The following FAM43B variants were observed in gnomAD, a reference collection of about 807,000 sequenced individuals.
FAM43B encodes the protein family with sequence similarity 43 member B.
FAM43B carries 17 observed loss-of-function variants against 20.1 expected under a neutral mutation model. That is an observed-to-expected ratio of 0.84 (90% CI 0.58 to 1.27). The LOEUF is 1.27. Ranked by LOEUF, FAM43B falls within the 50% of genes most tolerant of loss-of-function variation. The probability of loss-of-function intolerance (pLI) is 0.00; values close to 1 mark genes in which losing one functional copy is unlikely to be tolerated. For synonymous variants in FAM43B, 208 were observed against 238.5 expected (o/e 0.87, Z 1.18); for missense variants, 512 against 516.7 (o/e 0.99, Z 0.09).
In FAM43B at chr1:20,553,365, G is replaced by A. The variant is rs761662136; in HGVS notation, c.392G>A (p.Gly131Asp). ...MQPCERSAAG[G>D]SGGRRPAHAY... Reference sequence around the variant, plus strand: ...CCGTGCGAGCGCAGCGCCGCCGGGGGTTCGGGGGGCCGCAGGCCGGCGCAC... The same window carrying A: ...CCGTGCGAGCGCAGCGCCGCCGGGGATTCGGGGGGCCGCAGGCCGGCGCAC... Residue 131 changes from glycine (G) to aspartate (D), a missense_variant, in exon 1 of 1, where the codon GGT (glycine) becomes GAT (aspartate). Coordinates refer to ENST00000332947, the MANE Select transcript of FAM43B (RefSeq NM_207334.3). The surrounding 1 kb of genome is among the most constrained non-coding windows in gnomAD (Gnocchi z 6.5). 9.5e-5 allele frequency: 141 copies of A among 1,483,542 alleles called. 2 individuals carry two copies. The South Asian group carries it at 1.8e-3, about 19-fold the overall frequency. The allele number at this position is 1,483,542 out of a possible 1,614,324, so 91.9% of individuals were successfully genotyped here. A position where few individuals can be genotyped will look rare whatever the true frequency, so the allele number is the denominator to read the frequency against.
At position 20,554,848 on chromosome 1, in the gene FAM43B, G is replaced by A. The variant is rs762936888; in HGVS notation, c.*885G>A. The A allele has an allele frequency of 1.2e-5, 2 of 167,298 alleles. No homozygotes were observed. The highest frequency in any genetic ancestry group is 2.4e-5 in the African/African-American group (1 of 41,478). The allele number at this position is 167,298 out of a possible 1,614,324, so 10.4% of individuals were successfully genotyped here. On this transcript the variant is annotated 3_prime_UTR_variant, in exon 1 of 1. Coordinates refer to ENST00000332947, the MANE Select transcript of FAM43B (RefSeq NM_207334.3). ...CAAGTCGAGGCTCCTCAGAGCAGGTGGGTCCTGACAGCAGTGGATTCTCCC... is the reference window on the plus strand; with the variant it reads ...CAAGTCGAGGCTCCTCAGAGCAGGTAGGTCCTGACAGCAGTGGATTCTCCC...
chr1:20,552,951 C>CA lies in FAM43B; in HGVS notation c.-22dup, dbSNP rs745708194. On this transcript the variant is annotated 5_prime_UTR_variant, in exon 1 of 1. Coordinates refer to ENST00000332947, the MANE Select transcript of FAM43B (RefSeq NM_207334.3). ...GACGCCGGTGAGCTCCCTGCGCCCC[C>CA]AGCCCCTTTCGCCGCCGCCGCGATG... is the stretch of plus-strand genomic sequence containing the variant. The CA allele has an allele frequency of 1.5e-5, 24 of 1,611,042 alleles. No homozygotes were observed. The African/African-American group carries it at 3.2e-4, about 22-fold the overall frequency.
In FAM43B at chr1:20,553,662, C is replaced by T. The variant is rs759674591; in HGVS notation, c.689C>T (p.Ser230Leu). Residue 230 changes from serine (S) to leucine (L), a missense_variant, in exon 1 of 1, where the codon TCG (serine) becomes TTG (leucine). Coordinates refer to ENST00000332947, the MANE Select transcript of FAM43B (RefSeq NM_207334.3). The surrounding 1 kb of genome is among the most constrained non-coding windows in gnomAD (Gnocchi z 6.5). ...QHLRAGGAAA[S>L]VPRAPLRRLL... The stretch of plus-strand genomic sequence containing the variant: ...CTCCGCGCTGGGGGCGCCGCCGCCT[C>T]GGTGCCCCGCGCCCCACTGCGCCGC... 1.1e-5 allele frequency: 14 copies of T among 1,305,622 alleles called. 1 individual carries two copies. In the South Asian group the frequency reaches 2.9e-4, roughly 27 times the overall value. 80.9% of individuals were successfully genotyped at this position (1,305,622 alleles called of 1,614,324 possible).
Position 20,552,770 on chromosome 1 carries a change from C to T in FAM43B, c.-204C>T. The T allele has an allele frequency of 4.6e-6, 3 of 649,170 alleles. No individual in the cohort carries two copies. Among genetic ancestry groups the T allele is most frequent in the Admixed American group, 6.0e-5 (2 of 33,466 alleles). The allele number at this position is 649,170 out of a possible 1,614,324, so 40.2% of individuals were successfully genotyped here. On this transcript the variant is annotated 5_prime_UTR_variant, in exon 1 of 1. Coordinates refer to ENST00000332947, the MANE Select transcript of FAM43B (RefSeq NM_207334.3). ...AGCCACTCGGCCGCCGTCCGCACCT[C>T]GGCTGCTGGCCCGGCTGGGCACCGG...
Position 20,552,861 on chromosome 1 carries a change from C to T in FAM43B, c.-113C>T. 7.5e-7 allele frequency: 1 copy of T among 1,326,054 alleles called. No homozygotes were observed. The allele number at this position is 1,326,054 out of a possible 1,614,324, so 82.1% of individuals were successfully genotyped here. Reference sequence around the variant, plus strand: ...AGGCAACGACTGTCCCCGGCCCTGCCCAGCTTCTCGCGACTCCAGGGCGGT... The same window carrying T: ...AGGCAACGACTGTCCCCGGCCCTGCTCAGCTTCTCGCGACTCCAGGGCGGT... On this transcript the variant is annotated 5_prime_UTR_variant, in exon 1 of 1. Coordinates refer to ENST00000332947, the MANE Select transcript of FAM43B (RefSeq NM_207334.3).
chr1:20,554,792 A>G lies in FAM43B; in HGVS notation c.*829A>G, dbSNP rs375619545. ...TTGGCAGGTGCTTAGGACACTGACT[A>G]CCTAGAAAGTAGACGCAGCAGAGTT... On this transcript the variant is annotated 3_prime_UTR_variant, in exon 1 of 1. Transcript: ENST00000332947. 1.2e-5 allele frequency: 2 copies of G among 167,120 alleles called. No homozygotes were observed. The highest frequency in any genetic ancestry group is 6.5e-5 in the Admixed American group (1 of 15,288). The allele number at this position is 167,120 out of a possible 1,614,324, so 10.4% of individuals were successfully genotyped here.
Position 20,553,368 on chromosome 1 carries a change from C to CG in FAM43B, c.401dup (p.Arg135ProfsTer251), listed in dbSNP as rs1264517083. On this transcript the variant is annotated frameshift_variant, in exon 1 of 1. Coordinates refer to ENST00000332947, the MANE Select transcript of FAM43B (RefSeq NM_207334.3). LOFTEE classifies it high-confidence loss of function. This position sits in a 1 kb window ranked among gnomAD's most constrained non-coding sequence, Gnocchi z 6.5. The stretch of plus-strand genomic sequence containing the variant: ...TGCGAGCGCAGCGCCGCCGGGGGTT[C>CG]GGGGGGCCGCAGGCCGGCGCACGCC... 1.0e-5 allele frequency: 15 copies of CG among 1,480,212 alleles called. No homozygotes were observed. Among genetic ancestry groups the CG allele is most frequent in the Non-Finnish European group, 1.2e-5 (14 of 1,123,832 alleles). 91.7% of individuals were successfully genotyped at this position (1,480,212 alleles called of 1,614,324 possible). A position where few individuals can be genotyped will look rare whatever the true frequency, so the allele number is the denominator to read the frequency against.
Position 20,553,073 on chromosome 1 carries a change from T to A in FAM43B, c.100T>A (p.Ser34Thr). The change falls in exon 1 of 1, where the codon TCC becomes ACC. Residue 34 changes from serine to threonine, a missense_variant. Coordinates refer to ENST00000332947, the MANE Select transcript of FAM43B (RefSeq NM_207334.3). This position sits in a 1 kb window ranked among gnomAD's most constrained non-coding sequence, Gnocchi z 6.5. Reference protein sequence around the residue: ...SPGLAYTSLLSSFLRSCPDLL... With the variant: ...SPGLAYTSLLTSFLRSCPDLL... The stretch of plus-strand genomic sequence containing the variant: ...GGGGCTCGCCTACACGTCGCTGCTC[T>A]CCAGCTTCCTGCGCTCCTGCCCGGA... 6.2e-7 allele frequency: 1 copy of A among 1,613,430 alleles called. No individual in the cohort carries two copies. Among genetic ancestry groups the A allele is most frequent in the Non-Finnish European group, 8.5e-7 (1 of 1,179,862 alleles).
Position 20,554,246 on chromosome 1 carries a change from A to C in FAM43B, c.*283A>C. 4.0e-6 allele frequency: 1 copy of C among 249,056 alleles called. No homozygotes were observed. The highest frequency in any genetic ancestry group is 8.2e-6 in the Non-Finnish European group (1 of 122,694). The allele number at this position is 249,056 out of a possible 1,614,324, so 15.4% of individuals were successfully genotyped here. A position where few individuals can be genotyped will look rare whatever the true frequency, so the allele number is the denominator to read the frequency against. On this transcript the variant is annotated 3_prime_UTR_variant, in exon 1 of 1. Coordinates refer to ENST00000332947, the MANE Select transcript of FAM43B (RefSeq NM_207334.3). Reference sequence around the variant, plus strand: ...AGTCTCTTTGCCCACAGACCTCCTCATTCCCTCCCAAAACATCCTCTCAAG... The same window carrying C: ...AGTCTCTTTGCCCACAGACCTCCTCCTTCCCTCCCAAAACATCCTCTCAAG...
At position 20,553,698 on chromosome 1, in the gene FAM43B, C is replaced by A; in HGVS notation, c.725C>A (p.Ala242Asp). 6.9e-7 allele frequency: 1 copy of A among 1,440,592 alleles called. No homozygotes were observed. Among genetic ancestry groups the A allele is most frequent in the South Asian group, 1.3e-5 (1 of 75,808 alleles). 89.2% of individuals were successfully genotyped at this position (1,440,592 alleles called of 1,614,324 possible). A position where few individuals can be genotyped will look rare whatever the true frequency, so the allele number is the denominator to read the frequency against. ...PRAPLRRLLNAKCAYRPPPSE... is the reference protein window; with the variant it reads ...PRAPLRRLLNDKCAYRPPPSE... ...GCCCCACTGCGCCGCCTGCTCAATGCCAAGTGCGCCTACCGGCCGCCGCCG... is the reference window on the plus strand; with the variant it reads ...GCCCCACTGCGCCGCCTGCTCAATGACAAGTGCGCCTACCGGCCGCCGCCG... Residue 242 changes from alanine to aspartate, a missense_variant, in exon 1 of 1, where the codon GCC (alanine) becomes GAC (aspartate). Physicochemically the swap from Ala to Asp is moderately radical, Grantham distance 126. Coordinates refer to ENST00000332947, the MANE Select transcript of FAM43B (RefSeq NM_207334.3). This position sits in a 1 kb window ranked among gnomAD's most constrained non-coding sequence, Gnocchi z 6.5.
rs2052162799 is a variant in FAM43B, at chr1:20,553,943, C to T, written c.970C>T (p.Arg324Trp). ...CCGCTGGAAGGCCGGCCCCAGGGAG[C>T]GGGCGGGCCAGGCGCGCTGAGAGCC... is the stretch of plus-strand genomic sequence containing the variant. ...PRRWKAGPRE[R>W]AGQAR Residue 324 changes from arginine to tryptophan, a missense_variant, in exon 1 of 1, where the codon CGG (arginine) becomes TGG (tryptophan). Physicochemically the swap from Arg to Trp is moderately radical, Grantham distance 101 (BLOSUM62 -3). Transcript: ENST00000332947. The surrounding 1 kb of genome is among the most constrained non-coding windows in gnomAD (Gnocchi z 6.5). 5.7e-6 allele frequency: 7 copies of T among 1,232,562 alleles called. No homozygotes were observed. The highest frequency in any genetic ancestry group is 8.8e-5 in the Admixed American group (2 of 22,726). The allele number at this position is 1,232,562 out of a possible 1,614,324, so 76.4% of individuals were successfully genotyped here.
Position 20,553,072 on chromosome 1 carries a change from C to G in FAM43B, c.99C>G (p.Leu33=). Residue 33 remains leucine (L), a synonymous_variant, in exon 1 of 1, where the codon CTC becomes CTG. Coordinates refer to ENST00000332947, the MANE Select transcript of FAM43B (RefSeq NM_207334.3). This position sits in a 1 kb window ranked among gnomAD's most constrained non-coding sequence, Gnocchi z 6.5. ...CGGGGCTCGCCTACACGTCGCTGCT[C>G]TCCAGCTTCCTGCGCTCCTGCCCGG... The part of the protein sequence containing the change: ...LSPGLAYTSL[L]SSFLRSCPDL... 6.2e-7 allele frequency: 1 copy of G among 1,613,440 alleles called. No homozygotes were observed. Among genetic ancestry groups the G allele is most frequent in the South Asian group, 1.1e-5 (1 of 91,068 alleles).
In FAM43B at chr1:20,554,124, C is replaced by A. The variant is rs1557531731; in HGVS notation, c.*161C>A. The A allele has an allele frequency of 2.5e-6, 2 of 808,996 alleles. No individual in the cohort carries two copies. Among genetic ancestry groups the A allele is most frequent in the East Asian group, 4.5e-5 (1 of 22,416 alleles). 50.1% of individuals were successfully genotyped at this position (808,996 alleles called of 1,614,324 possible). A position where few individuals can be genotyped will look rare whatever the true frequency, so the allele number is the denominator to read the frequency against. Reference sequence around the variant, plus strand: ...GCCTCATTTTGGCTCAGGGTGATGCCTGATACGCCCTTGGTTATTGGGGGG... The same window carrying A: ...GCCTCATTTTGGCTCAGGGTGATGCATGATACGCCCTTGGTTATTGGGGGG... On this transcript the variant is annotated 3_prime_UTR_variant, in exon 1 of 1. Coordinates refer to ENST00000332947, the MANE Select transcript of FAM43B (RefSeq NM_207334.3).
rs984807047 is a variant in FAM43B, at chr1:20,554,142, T to C, written c.*179T>C. 2 of 661,958 alleles carry C rather than the reference T, an allele frequency of 3.0e-6. No homozygotes were observed. Among genetic ancestry groups the C allele is most frequent in the Non-Finnish European group, 4.2e-6 (2 of 476,238 alleles). The allele number at this position is 661,958 out of a possible 1,614,324, so 41.0% of individuals were successfully genotyped here. On this transcript the variant is annotated 3_prime_UTR_variant, in exon 1 of 1. Transcript: ENST00000332947. Reference sequence around the variant, plus strand: ...GTGATGCCTGATACGCCCTTGGTTATTGGGGGGTGTTCCTCTCTCCCCACA... The same window carrying C: ...GTGATGCCTGATACGCCCTTGGTTACTGGGGGGTGTTCCTCTCTCCCCACA...
rs2052161922 is a variant in FAM43B, at chr1:20,553,893, C to A, written c.920C>A (p.Ala307Glu). ...LRTCSLRGAP[A>E]PPPPAQPRRW... ...ACGTGCAGCCTGCGGGGCGCCCCGG[C>A]GCCCCCGCCGCCCGCGCAGCCCCGC... Residue 307 changes from alanine to glutamate, a missense_variant, in exon 1 of 1, where the codon GCG (alanine) becomes GAG (glutamate). Physicochemically the swap from Ala to Glu is moderately radical, Grantham distance 107. Coordinates refer to ENST00000332947, the MANE Select transcript of FAM43B (RefSeq NM_207334.3). The surrounding 1 kb of genome is among the most constrained non-coding windows in gnomAD (Gnocchi z 6.5). 1.6e-6 allele frequency: 2 copies of A among 1,276,256 alleles called. No individual in the cohort carries two copies. Among genetic ancestry groups the A allele is most frequent in the South Asian group, 2.7e-5 (1 of 36,422 alleles). The allele number at this position is 1,276,256 out of a possible 1,614,324, so 79.1% of individuals were successfully genotyped here. A position where few individuals can be genotyped will look rare whatever the true frequency, so the allele number is the denominator to read the frequency against.
Position 20,553,784 on chromosome 1 carries a change from GA to G in FAM43B, c.812del (p.Glu271GlyfsTer27). On this transcript the variant is annotated frameshift_variant, in exon 1 of 1. Transcript: ENST00000332947. LOFTEE classifies it high-confidence loss of function. The surrounding 1 kb of genome is among the most constrained non-coding windows in gnomAD (Gnocchi z 6.5). ...CATCCAGGAGGAGGACGAGGAGGAG[GA>G]GGAGGACGACGCGGAGGAGCAAGAG... ...SSIQEEDEEE[E>X]EDDAEEQEGG... The G allele has an allele frequency of 6.8e-7, 1 of 1,476,464 alleles. No individual in the cohort carries two copies. Among genetic ancestry groups the G allele is most frequent in the Non-Finnish European group, 9.0e-7 (1 of 1,108,658 alleles). 91.5% of individuals were successfully genotyped at this position (1,476,464 alleles called of 1,614,324 possible). A position where few individuals can be genotyped will look rare whatever the true frequency, so the allele number is the denominator to read the frequency against.
rs2052161382 is a variant in FAM43B at position 20,553,859 on chromosome 1, G to A, written c.886G>A (p.Glu296Lys). ...ERPEVLSLAR[E>K]LRTCSLRGAP... ...GCCGGAGGTGCTCAGCCTGGCCCGGGAGCTGAGGACGTGCAGCCTGCGGGG... is the reference window on the plus strand; with the variant it reads ...GCCGGAGGTGCTCAGCCTGGCCCGGAAGCTGAGGACGTGCAGCCTGCGGGG... The change falls in exon 1 of 1, where the codon GAG (glutamate) becomes AAG (lysine). Residue 296 changes from glutamate to lysine, a missense_variant. Transcript: ENST00000332947. The surrounding 1 kb of genome is among the most constrained non-coding windows in gnomAD (Gnocchi z 6.5). 5 of 1,419,618 alleles carry A rather than the reference G, an allele frequency of 3.5e-6. No individual in the cohort carries two copies. In the African/African-American group the frequency reaches 4.5e-5, roughly 13 times the overall value. The allele number at this position is 1,419,618 out of a possible 1,614,324, so 87.9% of individuals were successfully genotyped here.
chr1:20,553,771 GGAC>G lies in FAM43B; in HGVS notation c.801_803del (p.Asp267del). 6.8e-7 allele frequency: 1 copy of G among 1,475,272 alleles called. No individual in the cohort carries two copies. Among genetic ancestry groups the G allele is most frequent in the Non-Finnish European group, 9.0e-7 (1 of 1,108,522 alleles). The allele number at this position is 1,475,272 out of a possible 1,614,324, so 91.4% of individuals were successfully genotyped here. ...CGCGCCTCAGCAGCATCCAGGAGGA[GGAC>G]GAGGAGGAGGAGGAGGACGACGCGG... On this transcript the variant is annotated inframe_deletion, in exon 1 of 1. Coordinates refer to ENST00000332947, the MANE Select transcript of FAM43B (RefSeq NM_207334.3). This position sits in a 1 kb window ranked among gnomAD's most constrained non-coding sequence, Gnocchi z 6.5.
chr1:20,553,894 GC>G lies in FAM43B; in HGVS notation c.926del (p.Pro309ArgfsTer74). On this transcript the variant is annotated frameshift_variant, in exon 1 of 1. Transcript: ENST00000332947. LOFTEE classifies it high-confidence loss of function. This position sits in a 1 kb window ranked among gnomAD's most constrained non-coding sequence, Gnocchi z 6.5. The stretch of plus-strand genomic sequence containing the variant: ...CGTGCAGCCTGCGGGGCGCCCCGGC[GC>G]CCCCGCCGCCCGCGCAGCCCCGCCG... ...RTCSLRGAPA[P>X]PPPAQPRRWK... 1.6e-6 allele frequency: 2 copies of G among 1,276,766 alleles called. No individual in the cohort carries two copies. Among genetic ancestry groups the G allele is most frequent in the Non-Finnish European group, 2.0e-6 (2 of 1,015,358 alleles). The allele number at this position is 1,276,766 out of a possible 1,614,324, so 79.1% of individuals were successfully genotyped here.
Sources: allele counts gnomAD v4.1 joint callset, GRCh38; gene constraint gnomAD v4.1.1; non-coding constraint Gnocchi (gnomAD v3.1); transcripts MANE v1.5; gene names NCBI Gene and HGNC (gene_info 2026-07-23, HGNC 2026-07-21).